Variants in NDUFA10 observed in about 807,000 individuals in gnomAD.
The protein encoded by NDUFA10 is NADH:ubiquinone oxidoreductase subunit A10, also known as NADH dehydrogenase [ubiquinone] 1 alpha subcomplex subunit 10, mitochondrial.
In NDUFA10, 40 loss-of-function variants were observed where a neutral mutation model predicts 47.8. The ratio of observed to expected loss-of-function variants is 0.84; its 90% CI spans 0.65 to 1.09. The LOEUF is 1.09. Among genes scored for constraint, NDUFA10 ranks in the 50% least tolerant of loss-of-function variants. The pLI, the probability that NDUFA10 is intolerant of heterozygous loss-of-function variation, is 0.00. For missense variants in NDUFA10, 413 were observed against 451.1 expected, an observed-to-expected ratio of 0.92 and a Z score of 0.76; for synonymous variants, 183 against 172.2, an observed-to-expected ratio of 1.06 and a Z score of -0.49.
Position 239,895,315 on chromosome 2 carries a change from C to G in NDUFA10, c.295-1G>C, listed in dbSNP as rs969281170. 2.1e-6 allele frequency: 1 copy of G among 466,014 alleles called. No homozygotes were observed. Among genetic ancestry groups the G allele is most frequent in the South Asian group, 1.6e-5 (1 of 63,664 alleles). 28.9% of individuals were successfully genotyped at this position (466,014 alleles called of 1,614,324 possible). A position where few individuals can be genotyped will look rare whatever the true frequency, so the allele number is the denominator to read the frequency against. ...ATCTGTGCTCCTGGTCTGCTGGGAC[C>G]TAGAGACGAAGAGGACAGTGACCAC... On this transcript the variant is annotated splice_acceptor_variant, in intron 4 of 5. Transcript: ENST00000419408. LOFTEE classifies it high-confidence loss of function.
rs35451428 is a variant in NDUFA10, at chr2:240,006,540, G to A, written c.804+776C>T. The stretch of plus-strand genomic sequence containing the variant: ...CACTCACACTTCAAGACCAGATCCT[G>A]AAACTTGTATTTTCTTCTAGAATTG... On this transcript the variant is annotated intron_variant, in intron 7 of 9. Transcript: ENST00000252711. Among the ~76,000 whole-genome samples, 458 of 152,264 alleles carry A rather than the reference G, an allele frequency of 3.0e-3. 4 individuals carry two copies. The highest frequency in any genetic ancestry group is 3.7e-3 in the Non-Finnish European group (254 of 68,026).
rs748496005 is a variant in NDUFA10 at position 240,005,199 on chromosome 2, G to A, written c.890+11C>T. 4 of 1,610,454 alleles carry A rather than the reference G, an allele frequency of 2.5e-6. No individual in the cohort carries two copies. In the Admixed American group the frequency reaches 6.7e-5, roughly 27 times the overall value. On this transcript the variant is annotated intron_variant, in intron 8 of 9. Transcript: ENST00000252711. ...CCAGACATGCAGCAGCCCCCACACA[G>A]ATGCACTTACAGTAATCGCAGGTGG...
chr2:239,903,027 GA>G (rs1693581361), intron 4 of NDUFA10, among the ~76,000 whole-genome samples: 1 of 152,178 alleles, frequency 6.6e-6, no homozygotes, highest in African/African-American at 2.4e-5. Flanking sequence ...CACAGACGTG[GA>G]AAGGCAGGCC....
intron 4 of NDUFA10, chr2:240,017,896 C>A (rs1450577711): frequency 6.4e-7 from 1 of 1,565,584 alleles, no homozygotes; most frequent in South Asian, 1.2e-5. Context: ...CTGGCTCCAG[C>A]CACCCCAGTC....
intron 9 of NDUFA10, among the ~76,000 whole-genome samples, chr2:239,979,957 C>T (rs1202328711): frequency 6.6e-6 from 1 of 152,074 alleles, no homozygotes; most frequent in African/African-American, 2.4e-5. Context: ...TCCTGCCTTC[C>T]GGGGGGTGCC....
In NDUFA10 at chr2:239,928,504, G is replaced by C. The variant is rs1468079798; in HGVS notation, c.295-33190C>G. ...CCCCCGAATCCACGCCAGACTCCTC[G>C]GCCCTGGCCCACCGCGAGCCGCTGC... is the stretch of plus-strand genomic sequence containing the variant. On this transcript the variant is annotated intron_variant, in intron 4 of 5. Coordinates refer to the NDUFA10 transcript ENST00000419408. The surrounding 1 kb of genome is among the most constrained non-coding windows in gnomAD (Gnocchi z 4.3). Among the ~76,000 whole-genome samples the C allele has an allele frequency of 4.6e-5, 7 of 152,070 alleles. No individual in the cohort carries two copies. Among genetic ancestry groups the C allele is most frequent in the Non-Finnish European group, 7.4e-5 (5 of 68,020 alleles).
intron 4 of NDUFA10, among the ~76,000 whole-genome samples, chr2:239,940,477 A>G (rs1021262802): frequency 6.6e-6 from 1 of 152,248 alleles, no homozygotes; most frequent in Non-Finnish European, 1.5e-5. Flanking sequence ...TTGAATATTG[A>G]TGAACATCAG....
chr2:239,915,504 AATATAC>A, intron 4 of NDUFA10, among the ~76,000 whole-genome samples: 1 of 146,048 alleles, frequency 6.8e-6, no homozygotes, highest in Non-Finnish European at 1.5e-5. Context: ...GACACACACA[AATATAC>A]AGACACACAC....
chr2:239,927,961 C>T (rs1694093051), intron 4 of NDUFA10, among the ~76,000 whole-genome samples: 1 of 152,220 alleles, frequency 6.6e-6, no homozygotes, highest in South Asian at 2.1e-4. Flanking sequence ...CAGGGGACTT[C>T]TGCATGCTGC....
At chr2:239,997,679 C>T (rs1008616420) in intron 8 of NDUFA10, among the ~76,000 whole-genome samples, 1 of 152,180 alleles carries the variant, frequency 6.6e-6, no homozygotes, top group African/African-American at 2.4e-5. Flanking sequence ...CTGAAATAAT[C>T]CAAGAGATCT....
chr2:239,933,177 T>C (rs888581509), intron 4 of NDUFA10, among the ~76,000 whole-genome samples: 3 of 152,138 alleles, frequency 2.0e-5, no homozygotes, highest in African/African-American at 7.2e-5. Context: ...GCAGTTTGGA[T>C]GCTGGGAGCC....
At chr2:239,951,108 G>T (rs779830633) in intron 4 of NDUFA10, among the ~76,000 whole-genome samples, 4 of 152,218 alleles carry the variant, frequency 2.6e-5, no homozygotes, top group Non-Finnish European at 4.4e-5. Flanking sequence ...TCCCGTTTCA[G>T]TCTCATCTCT....
At position 240,009,057 on chromosome 2, in the gene NDUFA10, A is replaced by G. The variant is rs558978462; in HGVS notation, c.750-1687T>C. The stretch of plus-strand genomic sequence containing the variant: ...TTCACGTGCAACCTCAATGGTGGTT[A>G]TTCCTATAGGTAGCTCAGGGCCGAG... On this transcript the variant is annotated intron_variant, in intron 6 of 9. Coordinates refer to ENST00000252711, the MANE Select transcript of NDUFA10 (RefSeq NM_004544.4). Among the ~76,000 whole-genome samples the G allele has an allele frequency of 3.1e-4, 47 of 152,338 alleles. No homozygotes were observed. In the South Asian group the frequency reaches 9.7e-3, roughly 32 times the overall value.
At chr2:239,916,782 C>A (rs545604851) in intron 4 of NDUFA10, among the ~76,000 whole-genome samples, 1 of 152,356 alleles carries the variant, frequency 6.6e-6, no homozygotes, top group South Asian at 2.1e-4. Context: ...GAGCCTCCTT[C>A]ACGAGAGCCT....
At chr2:239,985,063 C>T (rs1695943721) in intron 9 of NDUFA10, among the ~76,000 whole-genome samples, 1 of 152,182 alleles carries the variant, frequency 6.6e-6, no homozygotes, top group African/African-American at 2.4e-5. Flanking sequence ...AAAGCGCATC[C>T]TCTCCAGGGT....
chr2:239,911,993 G>T (rs540439958), intron 4 of NDUFA10, among the ~76,000 whole-genome samples: 1 of 152,240 alleles, frequency 6.6e-6, no homozygotes, highest in South Asian at 2.1e-4. Flanking sequence ...GGGACCATGC[G>T]TCTAGCAGGC....
intron 9 of NDUFA10, among the ~76,000 whole-genome samples, chr2:239,979,958 G>C (rs74919194): frequency 6.6e-6 from 1 of 150,636 alleles, no homozygotes; most frequent in African/African-American, 2.4e-5. Context: ...CCTGCCTTCC[G>C]GGGGGTGCCT....
Position 239,960,865 on chromosome 2 carries a change from G to T in NDUFA10, c.*253C>A, listed in dbSNP as rs1694826793. The T allele has an allele frequency of 7.2e-7, 1 of 1,397,236 alleles. No individual in the cohort carries two copies. The allele number at this position is 1,397,236 out of a possible 1,614,324, so 86.6% of individuals were successfully genotyped here. ...AGCTGGCCTTTCACAGCAGACCACTGTTTTCCAGTGAGAATGGTGGGCCAT... is the reference window on the plus strand; with the variant it reads ...AGCTGGCCTTTCACAGCAGACCACTTTTTTCCAGTGAGAATGGTGGGCCAT... On this transcript the variant is annotated 3_prime_UTR_variant, in exon 10 of 10. Transcript: ENST00000252711.
chr2:240,018,531 T>C (rs764061526), intron 4 of NDUFA10, 22 bp downstream of exon 4: 122 of 1,614,192 alleles, frequency 7.6e-5, no homozygotes, highest in Non-Finnish European at 1.0e-4. Flanking sequence ...CACCCAGAAG[T>C]GGGTCTGCAA....
Sources: gnomAD v4.1 joint callset for allele counts (sites outside exome capture counted in the v4.1 genomes callset) on GRCh38, gnomAD v4.1.1 for gene constraint, Gnocchi (gnomAD v3.1) non-coding constraint, MANE v1.5 for transcripts, NCBI Gene and HGNC (gene_info 2026-07-23, HGNC 2026-07-21) for gene names.